The following LRRC63 variants were observed in gnomAD, a reference collection of about 807,000 sequenced individuals.
LRRC63 encodes the protein leucine-rich repeat-containing protein 63.
A neutral mutation model predicts 49.5 loss-of-function variants in LRRC63; 40 were observed. That is an observed-to-expected ratio of 0.81 (90% CI 0.63 to 1.05). LRRC63 has a LOEUF of 1.05. Ranked by LOEUF, LRRC63 falls within the 50% of genes least tolerant of loss-of-function variation. The probability of loss-of-function intolerance (pLI) is 0.00; values close to 1 mark genes in which losing one functional copy is unlikely to be tolerated. For missense variants in LRRC63, 636 were observed against 663.1 expected (o/e 0.96, Z 0.45); for synonymous variants, 191 against 221.1 (o/e 0.86, Z 1.21).
chr13:46,242,761 G>GA (rs56322506), intron 5 of LRRC63, among the ~76,000 whole-genome samples: 21,464 of 141,064 alleles, frequency 0.15, 1,940 homozygotes, highest in African/African-American at 0.26. Context: ...GAGTGTTGAA[G>GA]AAAAAAAAAA....
chr13:46,257,405 C>T (rs2047530028), intron 7 of LRRC63, among the ~76,000 whole-genome samples: 3 of 152,148 alleles, frequency 2.0e-5, no homozygotes, highest in African/African-American at 4.8e-5. Context: ...AGTTGTTGTA[C>T]GCCACTGTTT....
At chr13:46,220,016 C>T (rs2138363673) in intron 2 of LRRC63, among the ~76,000 whole-genome samples, 1 of 152,300 alleles carries the variant, frequency 6.6e-6, no homozygotes, top group South Asian at 2.1e-4. Flanking sequence ...CCAGCTGGAG[C>T]TCTCTTGTAT....
intron 9 of LRRC63, chr13:46,270,492 C>A (rs17067933): frequency 0.051 from 39,781 of 783,516 alleles, 1,352 homozygotes; most frequent in African/African-American, 0.13. Flanking sequence ...AAAGCCATCA[C>A]TGAAGGCTAC....
At chr13:46,270,296 T>C (rs1185080831) in intron 9 of LRRC63, 1 of 836,884 alleles carries the variant, frequency 1.2e-6, no homozygotes, top group East Asian at 2.4e-5. Context: ...CAGTCCCAAC[T>C]GTAGCAGACT....
intron 9 of LRRC63, among the ~76,000 whole-genome samples, chr13:46,271,404 G>C (rs1358791118): frequency 6.6e-6 from 1 of 152,132 alleles, no homozygotes; most frequent in Non-Finnish European, 1.5e-5. Flanking sequence ...TCCCTTTTAG[G>C]TTGTAGGGAA....
At chr13:46,229,597 G>A (rs572111672) in intron 4 of LRRC63, among the ~76,000 whole-genome samples, 170 of 152,234 alleles carry the variant, frequency 1.1e-3, no homozygotes, top group African/African-American at 3.7e-3. Context: ...AAATCTTGGC[G>A]AGGAGAGAAT....
At chr13:46,225,294 T>TC (rs2046536966) in intron 2 of LRRC63, among the ~76,000 whole-genome samples, 1 of 152,158 alleles carries the variant, frequency 6.6e-6, no homozygotes, top group Admixed American at 6.5e-5. Context: ...TTGCTTTCAC[T>TC]CCAGATCCCA....
chr13:46,276,236 G>GAAAATAATTTATTATTTTTTATAA lies in LRRC63; in HGVS notation c.1551-354_1551-353insAAAATAATTTATTATTTTTTATAA, dbSNP rs1295913610. 3.3e-3 allele frequency among the ~76,000 whole-genome samples: 506 copies of GAAAATAATTTATTATTTTTTATAA among 151,660 alleles called. 2 individuals carry two copies. Among genetic ancestry groups the GAAAATAATTTATTATTTTTTATAA allele is most frequent in the African/African-American group, 0.012 (478 of 41,364 alleles). On this transcript the variant is annotated intron_variant, in intron 9 of 9. Transcript: ENST00000595396. ...TATTTTGTATCATAAAAAATAACAT[G>GAAAATAATTTATTATTTTTTATAA]TTTATTATAAAAAATTAGAAAATAA...
At chr13:46,269,589 A>T (rs1225545278) in intron 9 of LRRC63, among the ~76,000 whole-genome samples, 1 of 152,070 alleles carries the variant, frequency 6.6e-6, no homozygotes, top group African/African-American at 2.4e-5. Flanking sequence ...TTTTACAAGG[A>T]AGTGTAGAAG....
At chr13:46,276,781 T>C in exon 10 of LRRC63, 3 of 1,200,054 alleles carry the variant, frequency 2.5e-6, no homozygotes, top group Non-Finnish European at 3.1e-6. Context: ...GCTCTAGATG[T>C]GGAGTTGTCA....
intron 9 of LRRC63, among the ~76,000 whole-genome samples, chr13:46,269,269 C>A: frequency 6.7e-6 from 1 of 148,420 alleles, no homozygotes; most frequent in Non-Finnish European, 1.5e-5. Context: ...ACTTACTATA[C>A]AAAGTTAGAG....
At chr13:46,231,459 C>G (rs919808320) in intron 4 of LRRC63, among the ~76,000 whole-genome samples, 1 of 152,108 alleles carries the variant, frequency 6.6e-6, no homozygotes, top group Non-Finnish European at 1.5e-5. Flanking sequence ...TATCACACCA[C>G]TGCAAAAGCA....
At chr13:46,227,438 G>C in intron 2 of LRRC63, 74 bp from the exon 3 acceptor site, 1 of 1,045,428 alleles carries the variant, frequency 9.6e-7, no homozygotes, top group Non-Finnish European at 1.3e-6. Flanking sequence ...GTAAAGAAAA[G>C]TGAATGCTAA....
intron 8 of LRRC63, 124 bp downstream of exon 8, chr13:46,262,116 G>A (rs1421865604): frequency 2.0e-5 from 7 of 353,472 alleles, no homozygotes; most frequent in Non-Finnish European, 3.0e-5. Context: ...GAAGTACAAA[G>A]TTTACCAAAC....
rs960714611 is a variant in LRRC63 at position 46,235,203 on chromosome 13, A to G, written c.990+854A>G. ...GCATTGAAGGAGTGCCTTAGCACAGAGTCGATCTGAAAAGATGAAGTTCTC... is the reference window on the plus strand; with the variant it reads ...GCATTGAAGGAGTGCCTTAGCACAGGGTCGATCTGAAAAGATGAAGTTCTC... On this transcript the variant is annotated intron_variant, in intron 5 of 9. Transcript: ENST00000595396. Among the ~76,000 whole-genome samples the G allele has an allele frequency of 3.0e-4, 45 of 152,152 alleles. 1 individual carries two copies. The highest frequency in any genetic ancestry group is 1.1e-3 in the African/African-American group (45 of 41,438).
chr13:46,227,486 ATTTTTCTT>A lies in LRRC63; in HGVS notation c.86-15_86-8del. ...GTGACATATTGATAAATATAATTTA[ATTTTTCTT>A]TTTTTCTTTTGGTTTAGCTAAAACT... On this transcript the variant is annotated intron_variant, in intron 2 of 9. Coordinates refer to ENST00000595396, the Ensembl canonical transcript of LRRC63. 1 of 1,360,410 alleles carries A rather than the reference ATTTTTCTT, an allele frequency of 7.4e-7. No individual in the cohort carries two copies. Among genetic ancestry groups the A allele is most frequent in the Non-Finnish European group, 9.8e-7 (1 of 1,023,672 alleles). The allele number at this position is 1,360,410 out of a possible 1,614,324, so 84.3% of individuals were successfully genotyped here. A position where few individuals can be genotyped will look rare whatever the true frequency, so the allele number is the denominator to read the frequency against.
Position 46,255,000 on chromosome 13 carries a change from G to A in LRRC63, c.1226+4509G>A, listed in dbSNP as rs572502410. Reference sequence around the variant, plus strand: ...TTGTTTTTATTCGCAATAATCAAAAGGTGGTAACTCAAATGTCCATTAACA... The same window carrying A: ...TTGTTTTTATTCGCAATAATCAAAAAGTGGTAACTCAAATGTCCATTAACA... On this transcript the variant is annotated intron_variant, in intron 7 of 9. Coordinates refer to ENST00000595396, the Ensembl canonical transcript of LRRC63. Among the ~76,000 whole-genome samples, 163 of 152,194 alleles carry A rather than the reference G, an allele frequency of 1.1e-3. 1 individual carries two copies. The highest frequency in any genetic ancestry group is 1.8e-3 in the Non-Finnish European group (125 of 67,998).
At chr13:46,246,992 T>C (rs373265547) in intron 6 of LRRC63, among the ~76,000 whole-genome samples, 1 of 152,170 alleles carries the variant, frequency 6.6e-6, no homozygotes, top group South Asian at 2.1e-4. Context: ...AAGTTTTAAT[T>C]ACCAAACGAT....
intron 7 of LRRC63, among the ~76,000 whole-genome samples, chr13:46,254,475 C>A (rs911782349): frequency 6.6e-6 from 1 of 152,034 alleles, no homozygotes; most frequent in Non-Finnish European, 1.5e-5. Flanking sequence ...TAACCATTAT[C>A]TCCTAAAACT....
Sources: allele counts gnomAD v4.1 joint callset (sites outside exome capture counted in the v4.1 genomes callset), GRCh38; gene constraint gnomAD v4.1.1; transcripts MANE v1.5; gene names NCBI Gene and HGNC (gene_info 2026-07-23, HGNC 2026-07-21).